The following NBAS variants were observed in gnomAD, a reference collection of about 807,000 sequenced individuals.
NBAS encodes the protein NAG/BC035112 fusion.
Under a neutral mutation model 302.5 loss-of-function variants are expected in NBAS, and 219 were observed. That is an observed-to-expected ratio of 0.72 (90% confidence interval 0.65 to 0.81). The LOEUF is 0.81. NBAS is among the 30% of genes least tolerant of loss of function. The pLI is 0.00. For synonymous variants in NBAS, 1,118 were observed against 1,021.6 expected, an observed-to-expected ratio of 1.09 and a Z score of -1.80; for missense variants, 2,932 against 2,841.6, an observed-to-expected ratio of 1.03 and a Z score of -0.72.
At chr2:15,260,179 T>G (rs900692225) in intron 44 of NBAS, among the ~76,000 whole-genome samples, 28 of 152,216 alleles carry the variant, frequency 1.8e-4, no homozygotes, top group Admixed American at 1.4e-3. Context: ...AATTATAAAA[T>G]TTTTAGATAT....
chr2:15,147,451 G>T, the NBAS span, among the ~76,000 whole-genome samples: 1 of 151,976 alleles, frequency 6.6e-6, no homozygotes, highest in South Asian at 2.1e-4. Context: ...AAATTAGCCT[G>T]GTGTGCTGGC....
chr2:14,889,537 A>C, the NBAS span, among the ~76,000 whole-genome samples: 78,492 of 152,008 alleles, frequency 0.52, 22,004 homozygotes, highest in African/African-American at 0.74. Context: ...AGAACAGATT[A>C]CTGCGATTTT....
chr2:15,380,034 A>C (rs939695151), intron 29 of NBAS, among the ~76,000 whole-genome samples: 1 of 152,170 alleles, frequency 6.6e-6, no homozygotes, highest in African/African-American at 2.4e-5. Context: ...CTTTCTCCTC[A>C]ATTAAAAAAA....
intron 21 of NBAS, among the ~76,000 whole-genome samples, chr2:15,445,948 G>A (rs974423161): frequency 1.3e-5 from 2 of 150,866 alleles, no homozygotes; most frequent in African/African-American, 4.9e-5. Context: ...TTATAGACAA[G>A]TCAGAAGAAA....
At chr2:14,930,393 C>A in the NBAS span, among the ~76,000 whole-genome samples, 2 of 152,186 alleles carry the variant, frequency 1.3e-5, no homozygotes, top group Admixed American at 6.5e-5. Context: ...TGAGCAATGT[C>A]TGTTTTGACT....
At chr2:15,094,267 A>G in the NBAS span, among the ~76,000 whole-genome samples, 1 of 152,212 alleles carries the variant, frequency 6.6e-6, no homozygotes, top group Non-Finnish European at 1.5e-5. Context: ...AGTAATCAAA[A>G]TGCATCTTCT....
intron 45 of NBAS, among the ~76,000 whole-genome samples, chr2:15,237,626 C>T (rs56407460): frequency 0.26 from 39,192 of 150,008 alleles, 5,876 homozygotes; most frequent in African/African-American, 0.42. Context: ...GACAGAGTCT[C>T]GCTCTGTCGC....
chr2:14,878,180 C>G, the NBAS span, among the ~76,000 whole-genome samples: 2 of 152,172 alleles, frequency 1.3e-5, no homozygotes, highest in African/African-American at 4.8e-5. Flanking sequence ...TCAGAACACT[C>G]CTGGCACCAA....
At position 15,415,818 on chromosome 2, in the gene NBAS, AC is replaced by A; in HGVS notation, c.2764-100del. 25 of 1,282,816 alleles carry A rather than the reference AC, an allele frequency of 1.9e-5. No individual in the cohort carries two copies. In the South Asian group the frequency reaches 3.0e-4, roughly 15 times the overall value. 79.5% of individuals were successfully genotyped at this position (1,282,816 alleles called of 1,614,324 possible). A position where few individuals can be genotyped will look rare whatever the true frequency, so the allele number is the denominator to read the frequency against. On this transcript the variant is annotated intron_variant, in intron 24 of 51. Coordinates refer to ENST00000281513, the MANE Select transcript of NBAS (RefSeq NM_015909.4). ...AGTTCTAAAGCTTACAGGTCCTCAG[AC>A]TGATGTTAAACAGTGCAAACCCAAC... is the stretch of plus-strand genomic sequence containing the variant.
the NBAS span, among the ~76,000 whole-genome samples, chr2:14,858,009 G>T: frequency 6.6e-6 from 1 of 152,188 alleles, no homozygotes; most frequent in South Asian, 2.1e-4. Flanking sequence ...CAAAAAGTGG[G>T]CAAGAGACTT....
chr2:15,476,702 G>A (rs903663308), intron 13 of NBAS, among the ~76,000 whole-genome samples: 2 of 151,964 alleles, frequency 1.3e-5, no homozygotes, highest in Non-Finnish European at 1.5e-5. Flanking sequence ...GCGACAGAGC[G>A]AGACTCTGTC....
intron 44 of NBAS, among the ~76,000 whole-genome samples, chr2:15,248,294 A>G (rs908940571): frequency 1.3e-5 from 2 of 152,250 alleles, no homozygotes; most frequent in East Asian, 3.8e-4. Context: ...TCTGGGACAC[A>G]TTTAAAGCAG....
chr2:14,858,044 CAT>C, the NBAS span, among the ~76,000 whole-genome samples: 1 of 151,990 alleles, frequency 6.6e-6, no homozygotes. Flanking sequence ...CAAAAGAAGA[CAT>C]AAAAATGGTA....
At chr2:15,032,893 A>G in the NBAS span, among the ~76,000 whole-genome samples, 1 of 152,228 alleles carries the variant, frequency 6.6e-6, no homozygotes, top group Admixed American at 6.5e-5. Context: ...GGGAAGAATG[A>G]CCCTAAAGGC....
At chr2:15,337,739 G>A (rs1216006728) in intron 35 of NBAS, among the ~76,000 whole-genome samples, 2 of 152,142 alleles carry the variant, frequency 1.3e-5, no homozygotes, top group Non-Finnish European at 2.9e-5. Flanking sequence ...GACCACAGAA[G>A]CAACATTTAA....
At chr2:14,785,285 T>A in the NBAS span, among the ~76,000 whole-genome samples, 1 of 152,172 alleles carries the variant, frequency 6.6e-6, no homozygotes, top group Non-Finnish European at 1.5e-5. Flanking sequence ...TTTGACTTCC[T>A]CTTTTCCTAA....
the NBAS span, among the ~76,000 whole-genome samples, chr2:15,096,824 T>G: frequency 8.5e-5 from 13 of 152,316 alleles, no homozygotes; most frequent in African/African-American, 2.2e-4. Context: ...AATATATTGG[T>G]TGTGACCTGC....
At chr2:15,115,148 G>A in the NBAS span, among the ~76,000 whole-genome samples, 9 of 152,158 alleles carry the variant, frequency 5.9e-5, no homozygotes, top group Non-Finnish European at 1.3e-4. Context: ...AAGAAACATA[G>A]CACATATACA....
At chr2:15,420,170 G>T (rs1026771513) in intron 23 of NBAS, among the ~76,000 whole-genome samples, 2 of 152,108 alleles carry the variant, frequency 1.3e-5, no homozygotes, top group Admixed American at 6.6e-5. Flanking sequence ...ATGAGCCCTA[G>T]GAGAAGAGTA....
Sources: allele counts gnomAD v4.1 joint callset (sites outside exome capture counted in the v4.1 genomes callset), GRCh38; gene constraint gnomAD v4.1.1; transcripts MANE v1.5; gene names NCBI Gene and HGNC (gene_info 2026-07-23, HGNC 2026-07-21).